ROBO2: variants seen among roughly 807,000 people sequenced by gnomAD.
ROBO2 encodes roundabout homolog 2.
In ROBO2, 53 loss-of-function variants were observed where a neutral mutation model predicts 160.8. The ratio of observed to expected loss-of-function variants is 0.33; its 90% CI spans 0.26 to 0.41. The LOEUF (loss-of-function observed/expected upper bound fraction) is 0.41, where lower values mean the gene tolerates loss of function less well. Among genes scored for constraint, ROBO2 ranks in the 10% least tolerant of loss-of-function variants. The probability of loss-of-function intolerance (pLI) is 1.00; values close to 1 mark genes in which losing one functional copy is unlikely to be tolerated. For synonymous variants in ROBO2, 664 were observed against 611.7 expected, an observed-to-expected ratio of 1.09 and a Z score of -1.26; for missense variants, 1,577 against 1,722.4, an observed-to-expected ratio of 0.92 and a Z score of 1.49.
At chr3:77,455,766 A>C (rs556751325) in intron 2 of ROBO2, among the ~76,000 whole-genome samples, 1 of 151,360 alleles carries the variant, frequency 6.6e-6, no homozygotes, top group East Asian at 1.9e-4. Flanking sequence ...GTTTGAGGCA[A>C]TGACTAATAT....
intron 2 of ROBO2, among the ~76,000 whole-genome samples, chr3:76,538,714 T>C (rs1486814672): frequency 6.6e-6 from 1 of 152,182 alleles, no homozygotes; most frequent in Non-Finnish European, 1.5e-5. Context: ...ACCCAACAGG[T>C]AGTTTTTCAG....
At chr3:77,153,416 T>C (rs534423552) in intron 2 of ROBO2, among the ~76,000 whole-genome samples, 21 of 152,294 alleles carry the variant, frequency 1.4e-4, no homozygotes, top group Middle Eastern at 3.4e-3. Flanking sequence ...CATTTTCCCA[T>C]GTATTTTGCA....
At chr3:76,915,971 C>A (rs187809445) in intron 2 of ROBO2, among the ~76,000 whole-genome samples, 124 of 152,194 alleles carry the variant, frequency 8.1e-4, no homozygotes, top group African/African-American at 2.9e-3. Flanking sequence ...AGCTCATATG[C>A]CTCTCTTATA....
At chr3:76,482,903 G>A (rs2079286743) in intron 2 of ROBO2, among the ~76,000 whole-genome samples, 1 of 152,012 alleles carries the variant, frequency 6.6e-6, no homozygotes, top group Admixed American at 6.6e-5. Context: ...GCTTTTATAT[G>A]GGACTTATTA....
At chr3:76,661,672 G>T (rs1465626197) in intron 2 of ROBO2, among the ~76,000 whole-genome samples, 2 of 152,152 alleles carry the variant, frequency 1.3e-5, no homozygotes, top group African/African-American at 4.8e-5. Flanking sequence ...TCAGCAGAAA[G>T]AAATGCTTAG....
intron 2 of ROBO2, among the ~76,000 whole-genome samples, chr3:76,508,344 A>G (rs1464010857): frequency 6.6e-6 from 1 of 152,110 alleles, no homozygotes; most frequent in Non-Finnish European, 1.5e-5. Flanking sequence ...TGCATTCCTT[A>G]ATTGAATTTC....
intron 2 of ROBO2, among the ~76,000 whole-genome samples, chr3:76,622,268 A>AGG (rs2089244923): frequency 2.6e-5 from 2 of 77,944 alleles, no homozygotes; most frequent in Non-Finnish European, 5.5e-5. Context: ...GAAAGAAAGA[A>AGG]AGAAAGAAAG....
At chr3:76,434,522 G>T (rs1256928812) in intron 2 of ROBO2, 20 of 1,569,668 alleles carry the variant, frequency 1.3e-5, no homozygotes, top group Admixed American at 5.0e-5. Context: ...CAAAGATGTG[G>T]ATAAGAAGCA....
Position 76,981,377 on chromosome 3 carries a change from G to A in ROBO2, c.110-116637G>A, listed in dbSNP as rs1200464074. On this transcript the variant is annotated intron_variant, in intron 2 of 26. Transcript: ENST00000487694. The stretch of plus-strand genomic sequence containing the variant: ...GCACTTTTTTACTACAGCTATCATA[G>A]TGGTTGTGAAGTGATATCTCATTGT... Among the ~76,000 whole-genome samples the A allele has an allele frequency of 3.3e-5, 5 of 152,236 alleles. No homozygotes were observed. In the South Asian group the frequency reaches 6.2e-4, roughly 19 times the overall value.
intron 2 of ROBO2, among the ~76,000 whole-genome samples, chr3:76,808,500 G>A (rs560457767): frequency 2.2e-4 from 33 of 151,906 alleles, no homozygotes; most frequent in Non-Finnish European, 4.0e-4. Flanking sequence ...CAAAGAAGAA[G>A]ACAAAAAATA....
At chr3:76,286,538 C>T (rs1281122384) in intron 2 of ROBO2, among the ~76,000 whole-genome samples, 1 of 151,988 alleles carries the variant, frequency 6.6e-6, no homozygotes, top group East Asian at 1.9e-4. Flanking sequence ...TGAATGATGA[C>T]CAAAAGGGGA....
chr3:76,708,278 AC>A (rs1473001418), intron 2 of ROBO2, among the ~76,000 whole-genome samples: 2 of 152,186 alleles, frequency 1.3e-5, no homozygotes, highest in East Asian at 3.9e-4. Context: ...TGGCATTTGA[AC>A]CTAGAAGGTT....
chr3:76,765,963 C>T (rs750672805), intron 2 of ROBO2, among the ~76,000 whole-genome samples: 1 of 151,704 alleles, frequency 6.6e-6, no homozygotes, highest in African/African-American at 2.4e-5. Flanking sequence ...ACTTTATTTG[C>T]ATGCTTCTAG....
intron 2 of ROBO2, among the ~76,000 whole-genome samples, chr3:77,110,153 A>G (rs1451102444): frequency 6.6e-6 from 1 of 152,228 alleles, no homozygotes; most frequent in African/African-American, 2.4e-5. Context: ...CATCACTTTC[A>G]GTTCTCATTG....
chr3:77,245,918 C>T (rs551670343), intron 2 of ROBO2, among the ~76,000 whole-genome samples: 4 of 152,224 alleles, frequency 2.6e-5, no homozygotes, highest in Admixed American at 1.3e-4. Flanking sequence ...TAAAAATAAA[C>T]CATGTACCAT....
rs551277502 is a variant in ROBO2 at position 77,143,604 on chromosome 3, T to C, written c.388+45264T>C. Reference sequence around the variant, plus strand: ...ATACTTACTATAAACTCAGTATATATAAAATCATAGTGCCTCTTCTTTTAG... The same window carrying C: ...ATACTTACTATAAACTCAGTATATACAAAATCATAGTGCCTCTTCTTTTAG... On this transcript the variant is annotated intron_variant, in intron 2 of 25. Transcript: ENST00000461745. Among the ~76,000 whole-genome samples the C allele has an allele frequency of 2.2e-4, 33 of 152,326 alleles. 1 individual carries two copies. The highest frequency in any genetic ancestry group is 7.9e-4 in the African/African-American group (33 of 41,600).
chr3:76,051,366 C>T (rs2067648123), intron 2 of ROBO2, among the ~76,000 whole-genome samples: 1 of 152,146 alleles, frequency 6.6e-6, no homozygotes, highest in Non-Finnish European at 1.5e-5. Flanking sequence ...TTGAACTAAT[C>T]AAGGAAGGGA....
intron 1 of ROBO2, among the ~76,000 whole-genome samples, chr3:77,069,776 G>C (rs961609799): frequency 2.0e-5 from 3 of 152,136 alleles, no homozygotes; most frequent in Admixed American, 6.6e-5. Context: ...GAGTCCTTGA[G>C]GGGGAGAGAC....
chr3:76,942,823 A>G (rs762536339), intron 2 of ROBO2, among the ~76,000 whole-genome samples: 14 of 151,742 alleles, frequency 9.2e-5, no homozygotes, highest in Non-Finnish European at 2.1e-4. Context: ...ATCTCTTTCA[A>G]CTCTCACTTT....
Sources: allele counts gnomAD v4.1 joint callset (sites outside exome capture counted in the v4.1 genomes callset), GRCh38; gene constraint gnomAD v4.1.1; transcripts MANE v1.5; gene names NCBI Gene and HGNC (gene_info 2026-07-23, HGNC 2026-07-21).